The following SLMAP variants were observed in gnomAD, a reference collection of about 807,000 sequenced individuals.
SLMAP encodes the protein sarcolemma associated protein.
Under a neutral mutation model 128.8 loss-of-function variants are expected in SLMAP, and 44 were observed. The observed-to-expected ratio is 0.34, with a 90% CI of 0.27 to 0.44. The LOEUF (loss-of-function observed/expected upper bound fraction) is 0.44. Ranked by LOEUF, SLMAP falls within the 20% of genes least tolerant of loss-of-function variation. The pLI, the probability that SLMAP is intolerant of heterozygous loss-of-function variation, is 1.00. For synonymous variants in SLMAP, 327 were observed against 348.8 expected (o/e 0.94, Z 0.70); for missense variants, 787 against 985.3 (o/e 0.80, Z 2.69).
chr3:57,840,767 T>C (rs949952869), intron 3 of SLMAP, among the ~76,000 whole-genome samples: 12 of 152,210 alleles, frequency 7.9e-5, no homozygotes, highest in Admixed American at 5.2e-4. Context: ...TTCTGATACT[T>C]AATAGCAGAG....
chr3:57,762,198 C>G (rs947310211), intron 2 of SLMAP, among the ~76,000 whole-genome samples: 12 of 151,632 alleles, frequency 7.9e-5, no homozygotes, highest in African/African-American at 2.7e-4. Flanking sequence ...GAAACCCTGT[C>G]TCTACGAAAA....
chr3:57,879,192 TG>T (rs2095669431), intron 14 of SLMAP, among the ~76,000 whole-genome samples: 1 of 152,366 alleles, frequency 6.6e-6, no homozygotes, highest in Middle Eastern at 3.4e-3. Context: ...TTGTTTGTAT[TG>T]TTTCTCATTT....
chr3:57,823,969 A>G (rs951934578), intron 2 of SLMAP, among the ~76,000 whole-genome samples: 2 of 152,234 alleles, frequency 1.3e-5, no homozygotes, highest in African/African-American at 2.4e-5. Context: ...TCTGATGGCC[A>G]GTGATGATGA....
intron 2 of SLMAP, among the ~76,000 whole-genome samples, chr3:57,760,628 CGAGGGT>C (rs2078430345): frequency 6.6e-6 from 1 of 151,742 alleles, no homozygotes; most frequent in Admixed American, 6.6e-5. Flanking sequence ...TGCTGAGGCA[CGAGGGT>C]TGCTTGAGCC....
rs2096607158 is a variant in SLMAP, at chr3:57,907,924, A to T, written c.1542A>T (p.Gln514His). 1.2e-6 allele frequency: 2 copies of T among 1,613,872 alleles called. No individual in the cohort carries two copies. The highest frequency in any genetic ancestry group is 1.7e-5 in the Admixed American group (1 of 60,008). The change falls in exon 18 of 25, where the codon CAA (glutamine) becomes CAT (histidine). Residue 514 changes from glutamine to histidine, a missense_variant. Gln to His is a conservative substitution (Grantham distance 24). Around this residue, in one of 2 missense-constraint regions of SLMAP, gnomAD observed 715 missense variants for 843.6 expected, o/e 0.85. Coordinates refer to ENST00000671191, the MANE Select transcript of SLMAP (RefSeq NM_001377540.1). ...QGAQSEIEAK[Q>H]EIQHLRKELI... is the part of the protein sequence containing the mutation. ...CACAGTCAGAAATTGAGGCAAAGCA[A>T]GAAATACAGCATCTTCGAAAGGAAT...
rs545996066 is a variant in SLMAP at position 57,911,857 on chromosome 3, C to T, written c.1700-524C>T. On this transcript the variant is annotated intron_variant, in intron 19 of 24. Coordinates refer to ENST00000671191, the MANE Select transcript of SLMAP (RefSeq NM_001377540.1). ...TTTGAACAGAAAAACGAATCAAGGG[C>T]GTCAACTGTTTATTGCTTTTATTGC... 7.9e-5 allele frequency among the ~76,000 whole-genome samples: 11 copies of T among 139,912 alleles called. No individual in the cohort carries two copies. In the East Asian group the frequency reaches 2.0e-3, roughly 26 times the overall value. The allele number at this position is 139,912 out of a possible 152,430, so 91.8% of individuals were successfully genotyped here. A position where few individuals can be genotyped will look rare whatever the true frequency, so the allele number is the denominator to read the frequency against.
chr3:57,847,096 C>A, intron 4 of SLMAP, 101 bp from the exon 5 acceptor site: 2 of 705,372 alleles, frequency 2.8e-6, no homozygotes, highest in Non-Finnish European at 4.9e-6. Flanking sequence ...TACATGAAGG[C>A]AAATGTATAA....
chr3:57,801,046 A>G (rs768771191), intron 2 of SLMAP: 28 of 213,302 alleles, frequency 1.3e-4, no homozygotes, highest in Non-Finnish European at 2.5e-4. Context: ...CAGAAAGTTC[A>G]TGAGTAAAGC....
At chr3:57,853,993 A>ATG (rs2094631900) in intron 6 of SLMAP, among the ~76,000 whole-genome samples, 2 of 110,268 alleles carry the variant, frequency 1.8e-5, no homozygotes, top group African/African-American at 7.1e-5. Context: ...ATATATATAT[A>ATG]TATATATTTA....
chr3:57,854,651 A>T (rs974164043), intron 6 of SLMAP, among the ~76,000 whole-genome samples: 5 of 152,172 alleles, frequency 3.3e-5, no homozygotes, highest in African/African-American at 9.7e-5. Context: ...TAAAAGGAAA[A>T]ATTAAAAGCT....
chr3:57,801,786 C>A (rs1170667462), intron 2 of SLMAP, among the ~76,000 whole-genome samples: 1 of 151,522 alleles, frequency 6.6e-6, no homozygotes, highest in Non-Finnish European at 1.5e-5. Flanking sequence ...CTTGGTATGC[C>A]TTGCCAAACT....
intron 2 of SLMAP, among the ~76,000 whole-genome samples, chr3:57,789,449 C>T (rs2084962810): frequency 6.6e-6 from 1 of 151,750 alleles, no homozygotes; most frequent in African/African-American, 2.4e-5. Flanking sequence ...TGGAGTCAGG[C>T]CAGGGTGTTC....
At chr3:57,761,817 G>A (rs1013249747) in intron 2 of SLMAP, among the ~76,000 whole-genome samples, 7 of 150,742 alleles carry the variant, frequency 4.6e-5, no homozygotes, top group East Asian at 2.0e-4. Context: ...GGAGGCCGAG[G>A]CGGGTGGATC....
intron 14 of SLMAP, among the ~76,000 whole-genome samples, chr3:57,875,383 T>TA (rs2095580466): frequency 6.6e-6 from 1 of 152,014 alleles, no homozygotes; most frequent in African/African-American, 2.4e-5. Context: ...GCCATGGTGA[T>TA]AACATGCCTG....
intron 2 of SLMAP, among the ~76,000 whole-genome samples, chr3:57,767,926 A>G (rs1275614074): frequency 6.6e-6 from 1 of 152,242 alleles, no homozygotes; most frequent in Non-Finnish European, 1.5e-5. Context: ...ACGGACTTTC[A>G]AAGACTGAAA....
Position 57,917,031 on chromosome 3 carries a change from C to G in SLMAP, c.2264C>G (p.Thr755Ser), listed in dbSNP as rs2096826847. Residue 755 changes from threonine to serine, a missense_variant, in exon 22 of 25, where the codon ACT (threonine) becomes AGT (serine). This residue lies in a region of SLMAP where 715 missense variants were observed against 843.6 expected (regional missense o/e 0.85). Transcript: ENST00000671191. The part of the protein sequence containing the change: ...QHLRDSADLK[T>S]LLSKAENQAK... ...CTTCGGGATTCAGCTGATTTAAAAA[C>G]TCTTCTCAGTAAGGCAGAAAACCAA... The G allele has an allele frequency of 5.0e-6, 8 of 1,613,948 alleles. No individual in the cohort carries two copies. The highest frequency in any genetic ancestry group is 6.8e-6 in the Non-Finnish European group (8 of 1,179,934).
intron 21 of SLMAP, among the ~76,000 whole-genome samples, chr3:57,916,441 C>G (rs1559554249): frequency 6.6e-6 from 1 of 152,172 alleles, no homozygotes; most frequent in Non-Finnish European, 1.5e-5. Context: ...GCTCTTTTCT[C>G]AATTTGGTGT....
At chr3:57,873,269 G>A (rs1261395603) in intron 14 of SLMAP, among the ~76,000 whole-genome samples, 3 of 152,136 alleles carry the variant, frequency 2.0e-5, no homozygotes, top group Admixed American at 1.3e-4. Context: ...TTGGGAGGCC[G>A]AGGTGGGTGG....
At chr3:57,925,335 T>TC (rs138352066) in intron 23 of SLMAP, among the ~76,000 whole-genome samples, 45,996 of 112,902 alleles carry the variant, frequency 0.41, 7,394 homozygotes, top group East Asian at 0.64. Flanking sequence ...TTTCTTTCTC[T>TC]TTTTTTTTTT....
Sources: allele counts gnomAD v4.1 joint callset (sites outside exome capture counted in the v4.1 genomes callset), GRCh38; gene constraint gnomAD v4.1.1; regional missense constraint gnomAD v4.1.1; transcripts MANE v1.5; gene names NCBI Gene and HGNC (gene_info 2026-07-23, HGNC 2026-07-21).